Variants in SIPA1L1 observed in about 807,000 individuals in gnomAD.
SIPA1L1 encodes the protein signal induced proliferation associated 1 like 1, also known as signal-induced proliferation-associated 1-like protein 1.
Under a neutral mutation model 162.7 loss-of-function variants are expected in SIPA1L1, and 26 were observed. That is an observed-to-expected ratio of 0.16 (90% confidence interval 0.12 to 0.22). SIPA1L1 has a LOEUF of 0.22. Ranked by LOEUF, SIPA1L1 falls within the 10% of genes least tolerant of loss-of-function variation. SIPA1L1 has a pLI of 1.00. For missense variants in SIPA1L1, 1,874 were observed against 2,241.0 expected (o/e 0.84, Z 3.31); for synonymous variants, 829 against 837.4 (o/e 0.99, Z 0.17).
intron 3 of SIPA1L1, among the ~76,000 whole-genome samples, chr14:71,520,051 G>A (rs1324271509): frequency 6.6e-6 from 1 of 151,706 alleles, no homozygotes; most frequent in Non-Finnish European, 1.5e-5. Flanking sequence ...GCAGTGAACT[G>A]TGATTGCACC....
chr14:71,663,353 C>G (rs190227000), intron 10 of SIPA1L1, among the ~76,000 whole-genome samples: 1 of 152,066 alleles, frequency 6.6e-6, no homozygotes, highest in Non-Finnish European at 1.5e-5. Flanking sequence ...GCTAAATTTT[C>G]ATTGGTGATA....
intron 4 of SIPA1L1, among the ~76,000 whole-genome samples, chr14:71,584,463 A>G (rs2034335220): frequency 6.6e-6 from 1 of 152,234 alleles, no homozygotes; most frequent in Admixed American, 6.5e-5. Flanking sequence ...TGACCCATGC[A>G]TCCCCCGTCA....
At chr14:71,477,949 T>A (rs1427894511) in intron 2 of SIPA1L1, among the ~76,000 whole-genome samples, 3 of 152,242 alleles carry the variant, frequency 2.0e-5, no homozygotes, top group Non-Finnish European at 4.4e-5. Context: ...TTCCAGAGTA[T>A]TTGTGTCATT....
chr14:71,590,044 AATATAT>A (rs58833289), intron 5 of SIPA1L1, among the ~76,000 whole-genome samples: 678 of 59,498 alleles, frequency 0.011, 7 homozygotes, highest in South Asian at 0.015. Context: ...AAAAAAAAAA[AATATAT>A]ATATATATAT....
At chr14:71,646,126 A>G (rs1362286893) in intron 7 of SIPA1L1, among the ~76,000 whole-genome samples, 1 of 151,550 alleles carries the variant, frequency 6.6e-6, no homozygotes, top group Non-Finnish European at 1.5e-5. Flanking sequence ...CCATCTTTCC[A>G]GGAAGTTATG....
intron 12 of SIPA1L1, among the ~76,000 whole-genome samples, chr14:71,684,887 C>T (rs1398132735): frequency 6.6e-6 from 1 of 150,738 alleles, no homozygotes; most frequent in Admixed American, 6.6e-5. Flanking sequence ...TGAAGCTGCT[C>T]GTTCACCCTT....
At chr14:71,546,412 G>C (rs2055207326) in intron 4 of SIPA1L1, among the ~76,000 whole-genome samples, 1 of 111,110 alleles carries the variant, frequency 9.0e-6, no homozygotes, top group Non-Finnish European at 1.7e-5. Context: ...GTCTCGCACT[G>C]TCCCCCAGGC....
intron 4 of SIPA1L1, among the ~76,000 whole-genome samples, chr14:71,556,408 T>C (rs2056355549): frequency 1.3e-5 from 2 of 152,190 alleles, no homozygotes; most frequent in African/African-American, 4.8e-5. Context: ...CCTAAGATAG[T>C]GTCAGATTCC....
chr14:71,647,291 G>C (rs139901712), intron 7 of SIPA1L1, among the ~76,000 whole-genome samples: 1 of 151,926 alleles, frequency 6.6e-6, no homozygotes, highest in African/African-American at 2.4e-5. Context: ...GCTCACTAGG[G>C]TATAGAATTC....
At chr14:71,594,570 T>C (rs947712899) in intron 5 of SIPA1L1, among the ~76,000 whole-genome samples, 2 of 152,234 alleles carry the variant, frequency 1.3e-5, no homozygotes, top group African/African-American at 4.8e-5. Flanking sequence ...AGATTTCAGA[T>C]AAATGGTAAA....
At chr14:71,453,492 G>A (rs2045966816) in intron 2 of SIPA1L1, among the ~76,000 whole-genome samples, 1 of 152,064 alleles carries the variant, frequency 6.6e-6, no homozygotes, top group African/African-American at 2.4e-5. Context: ...TCGTAACTTT[G>A]AAAAGAATCT....
chr14:71,618,428 A>C (rs1187580048), intron 5 of SIPA1L1, among the ~76,000 whole-genome samples: 2 of 152,242 alleles, frequency 1.3e-5, no homozygotes, highest in Non-Finnish European at 2.9e-5. Context: ...GCCTTCTCTT[A>C]GGCAAGGAAG....
chr14:71,723,297 G>A (rs1024250098), intron 17 of SIPA1L1, among the ~76,000 whole-genome samples: 1 of 152,170 alleles, frequency 6.6e-6, no homozygotes, highest in Non-Finnish European at 1.5e-5. Flanking sequence ...GCATGGAGAC[G>A]GTAGACCTTT....
intron 2 of SIPA1L1, among the ~76,000 whole-genome samples, chr14:71,385,615 A>G (rs987777653): frequency 6.6e-6 from 1 of 151,536 alleles, no homozygotes; most frequent in African/African-American, 2.4e-5. Context: ...CATCTGATTT[A>G]TGTGAAATAT....
chr14:71,490,420 C>G (rs1175456338), intron 2 of SIPA1L1, among the ~76,000 whole-genome samples: 1 of 152,028 alleles, frequency 6.6e-6, no homozygotes, highest in Non-Finnish European at 1.5e-5. Flanking sequence ...CTTTTTGGTA[C>G]TTTTCAGCAA....
chr14:71,464,890 CT>C (rs1293290059), intron 2 of SIPA1L1, among the ~76,000 whole-genome samples: 2 of 152,146 alleles, frequency 1.3e-5, no homozygotes, highest in African/African-American at 2.4e-5. Flanking sequence ...CCCGCCGGGA[CT>C]TTAGTTATAG....
chr14:71,515,261 G>A (rs561235523), intron 3 of SIPA1L1, among the ~76,000 whole-genome samples: 1 of 152,314 alleles, frequency 6.6e-6, no homozygotes, highest in African/African-American at 2.4e-5. Context: ...TGGAGAATTC[G>A]TGTAGCAAAA....
chr14:71,726,552 C>T (rs186947655), intron 19 of SIPA1L1, among the ~76,000 whole-genome samples: 48 of 152,282 alleles, frequency 3.2e-4, no homozygotes, highest in Middle Eastern at 3.4e-3. Flanking sequence ...CTGATTTTGT[C>T]CTTATTCCAG....
At chr14:71,629,361 G>A (rs2040347274) in intron 7 of SIPA1L1, among the ~76,000 whole-genome samples, 1 of 152,162 alleles carries the variant, frequency 6.6e-6, no homozygotes, top group African/African-American at 2.4e-5. Flanking sequence ...ATAGCTAAGA[G>A]CACTGAGACA....
Sources: allele counts gnomAD v4.1 joint callset (sites outside exome capture counted in the v4.1 genomes callset), GRCh38; gene constraint gnomAD v4.1.1; transcripts MANE v1.5; gene names NCBI Gene and HGNC (gene_info 2026-07-23, HGNC 2026-07-21).